ANKS1B: variants seen among roughly 807,000 people sequenced by gnomAD.
ANKS1B encodes ankyrin repeat and sterile alpha motif domain containing 1B.
ANKS1B carries 36 observed loss-of-function variants against 148.3 expected under a neutral mutation model. The observed-to-expected ratio is 0.24, with a 90% CI of 0.19 to 0.32. ANKS1B has a LOEUF of 0.32. Ranked by LOEUF, ANKS1B falls within the 10% of genes least tolerant of loss-of-function variation. The pLI is 1.00. For synonymous variants in ANKS1B, 542 were observed against 560.8 expected (o/e 0.97, Z 0.47); for missense variants, 1,157 against 1,542.6 (o/e 0.75, Z 4.19).
chr12:99,847,088 A>C (rs1201069191), intron 1 of ANKS1B, among the ~76,000 whole-genome samples: 1 of 151,848 alleles, frequency 6.6e-6, no homozygotes, highest in East Asian at 1.9e-4. Flanking sequence ...CTCAGAAGCA[A>C]GGTCTCTCTC....
chr12:99,014,865 T>C (rs1311289111), intron 17 of ANKS1B, among the ~76,000 whole-genome samples: 3 of 152,000 alleles, frequency 2.0e-5, no homozygotes, highest in African/African-American at 7.2e-5. Context: ...AGTTAAAAAA[T>C]AACAGATGCT....
chr12:99,911,508 G>A (rs1189370687), intron 1 of ANKS1B, among the ~76,000 whole-genome samples: 1 of 152,106 alleles, frequency 6.6e-6, no homozygotes, highest in Non-Finnish European at 1.5e-5. Flanking sequence ...TTTATTTTCT[G>A]CCCTATGAGT....
intron 1 of ANKS1B, among the ~76,000 whole-genome samples, chr12:99,880,734 G>A (rs1254263678): frequency 9.9e-5 from 15 of 152,094 alleles, no homozygotes; most frequent in African/African-American, 3.6e-4. Flanking sequence ...ACAGGGAAAT[G>A]TGTTTTCTAA....
intron 9 of ANKS1B, among the ~76,000 whole-genome samples, chr12:99,513,730 T>C (rs2096789112): frequency 6.6e-6 from 1 of 152,018 alleles, no homozygotes; most frequent in Admixed American, 6.6e-5. Context: ...TTTATTTCTC[T>C]CCACCCCAGC....
At chr12:99,507,096 A>AT (rs1218602927) in intron 9 of ANKS1B, among the ~76,000 whole-genome samples, 2 of 151,654 alleles carry the variant, frequency 1.3e-5, no homozygotes, top group Non-Finnish European at 2.9e-5. Flanking sequence ...TATGGAAATG[A>AT]TTTTTTTTCA....
chr12:99,491,681 C>A (rs1302650248), intron 10 of ANKS1B, among the ~76,000 whole-genome samples: 1 of 152,104 alleles, frequency 6.6e-6, no homozygotes, highest in Non-Finnish European at 1.5e-5. Flanking sequence ...TAAGTGAGAA[C>A]ATGCAGTATT....
At chr12:98,766,217 C>T (rs914081703) in intron 25 of ANKS1B, among the ~76,000 whole-genome samples, 1 of 152,196 alleles carries the variant, frequency 6.6e-6, no homozygotes, top group Non-Finnish European at 1.5e-5. Flanking sequence ...TGATTTATGC[C>T]AATGGAGAGG....
chr12:98,836,299 G>A (rs1291145424), intron 17 of ANKS1B, among the ~76,000 whole-genome samples: 1 of 152,162 alleles, frequency 6.6e-6, no homozygotes, highest in African/African-American at 2.4e-5. Context: ...AAGGCTTATA[G>A]CATTGTTAAA....
At chr12:99,335,767 G>T (rs1324619871) in intron 12 of ANKS1B, among the ~76,000 whole-genome samples, 1 of 152,094 alleles carries the variant, frequency 6.6e-6, no homozygotes, top group Non-Finnish European at 1.5e-5. Context: ...TCTGCTGATG[G>T]ATGTTTAGGT....
chr12:99,686,713 C>A (rs1396052692), intron 8 of ANKS1B, among the ~76,000 whole-genome samples: 1 of 151,994 alleles, frequency 6.6e-6, no homozygotes, highest in Admixed American at 6.6e-5. Flanking sequence ...TAACTCAAAC[C>A]ACTTCACACA....
intron 8 of ANKS1B, among the ~76,000 whole-genome samples, chr12:99,666,892 G>GTGTGTC (rs1198222830): frequency 6.8e-6 from 1 of 146,072 alleles, no homozygotes; most frequent in African/African-American, 2.5e-5. Context: ...GTGTGTGTGT[G>GTGTGTC]TGTGGTGAGG....
At chr12:98,806,617 T>C (rs148760494) in intron 20 of ANKS1B, among the ~76,000 whole-genome samples, 4 of 152,228 alleles carry the variant, frequency 2.6e-5, no homozygotes, top group African/African-American at 9.6e-5. Flanking sequence ...AGCTCTATGC[T>C]TATAAATATG....
At chr12:99,213,120 C>A (rs1423989357) in intron 14 of ANKS1B, among the ~76,000 whole-genome samples, 1 of 152,162 alleles carries the variant, frequency 6.6e-6, no homozygotes, top group African/African-American at 2.4e-5. Context: ...CTCTGAGGTT[C>A]ATTTCCACTC....
chr12:99,187,196 C>T (rs1399590474), intron 14 of ANKS1B, among the ~76,000 whole-genome samples: 1 of 151,376 alleles, frequency 6.6e-6, no homozygotes, highest in East Asian at 2.0e-4. Flanking sequence ...TGTGAAAAGA[C>T]CAAACCTACG....
intron 12 of ANKS1B, among the ~76,000 whole-genome samples, chr12:99,332,605 G>T (rs1413481271): frequency 6.6e-6 from 1 of 150,646 alleles, no homozygotes; most frequent in Admixed American, 6.6e-5. Context: ...GATTACAGGA[G>T]AACAAGTATT....
intron 10 of ANKS1B, among the ~76,000 whole-genome samples, chr12:99,498,991 T>G: frequency 6.6e-6 from 1 of 152,126 alleles, no homozygotes; most frequent in East Asian, 1.9e-4. Context: ...ATAGGATTGA[T>G]GCAAAACCTA....
chr12:99,874,907 T>C (rs1036932006), intron 1 of ANKS1B, among the ~76,000 whole-genome samples: 1 of 152,200 alleles, frequency 6.6e-6, no homozygotes, highest in Non-Finnish European at 1.5e-5. Context: ...TGCAAATACT[T>C]GACATGTGTC....
chr12:98,864,149 T>A (rs2099613197), intron 17 of ANKS1B, among the ~76,000 whole-genome samples: 1 of 152,036 alleles, frequency 6.6e-6, no homozygotes, highest in Non-Finnish European at 1.5e-5. Context: ...TTTTCATTTT[T>A]AAATGTCCAT....
At chr12:99,450,701 A>C (rs894230164) in intron 10 of ANKS1B, among the ~76,000 whole-genome samples, 8 of 152,202 alleles carry the variant, frequency 5.3e-5, no homozygotes, top group African/African-American at 1.9e-4. Context: ...AGACTAGGTT[A>C]TATTTTTGCA....
Sources: gnomAD v4.1 joint callset for allele counts (sites outside exome capture counted in the v4.1 genomes callset) on GRCh38, gnomAD v4.1.1 for gene constraint, MANE v1.5 for transcripts, NCBI Gene and HGNC (gene_info 2026-07-23, HGNC 2026-07-21) for gene names.